Variants in DLGAP2 observed in about 807,000 individuals in gnomAD.
The protein encoded by DLGAP2 is DLG associated protein 2.
Under a neutral mutation model 100.3 loss-of-function variants are expected in DLGAP2, and 26 were observed. The ratio of observed to expected loss-of-function variants is 0.26; its 90% CI spans 0.19 to 0.36. The LOEUF (loss-of-function observed/expected upper bound fraction) is 0.36, where lower values mean the gene tolerates loss of function less well. Ranked by LOEUF, DLGAP2 falls within the 10% of genes least tolerant of loss-of-function variation. DLGAP2 has a pLI of 1.00. For missense variants in DLGAP2, 1,858 were observed against 1,453.2 expected (o/e 1.28, Z -4.53); for synonymous variants, 886 against 630.1 (o/e 1.41, Z -6.08).
rs552759936 is a variant in DLGAP2 at position 1,071,917 on chromosome 8, G to A, written c.73+163951G>A. ...CCTGGCCTGTGAGTTTAGGGAACTC[G>A]TGTCAGTCTGGTTAAGTGGGTGGTT... On this transcript the variant is annotated intron_variant, in intron 2 of 14. Coordinates refer to ENST00000637795, the MANE Select transcript of DLGAP2 (RefSeq NM_001346810.2). 2.0e-5 allele frequency among the ~76,000 whole-genome samples: 3 copies of A among 152,330 alleles called. No homozygotes were observed. In the South Asian group the frequency reaches 6.2e-4, roughly 32 times the overall value.
intron 3 of DLGAP2, among the ~76,000 whole-genome samples, chr8:1,334,443 C>T (rs1219930075): frequency 6.6e-6 from 1 of 152,202 alleles, no homozygotes; most frequent in African/African-American, 2.4e-5. Flanking sequence ...TAAATATGTG[C>T]TGTGGGAACG....
At chr8:1,475,550 G>A (rs919787882) in intron 3 of DLGAP2, among the ~76,000 whole-genome samples, 27 of 152,270 alleles carry the variant, frequency 1.8e-4, no homozygotes, top group African/African-American at 5.1e-4. Flanking sequence ...ATCAATGAGC[G>A]GCTGGGAGTA....
intron 10 of DLGAP2, among the ~76,000 whole-genome samples, chr8:1,675,475 C>T (rs1475022300): frequency 6.6e-6 from 1 of 152,226 alleles, no homozygotes; most frequent in Non-Finnish European, 1.5e-5. Flanking sequence ...TCGCTGTTAC[C>T]ATCAGTACCT....
chr8:1,539,817 C>T (rs182393263), intron 4 of DLGAP2, among the ~76,000 whole-genome samples: 30 of 152,348 alleles, frequency 2.0e-4, no homozygotes, highest in African/African-American at 7.0e-4. Flanking sequence ...TGGGACACAG[C>T]TGTGCCATGA....
At chr8:1,089,760 A>G (rs1472618156) in intron 2 of DLGAP2, among the ~76,000 whole-genome samples, 2 of 152,198 alleles carry the variant, frequency 1.3e-5, no homozygotes, top group Non-Finnish European at 2.9e-5. Flanking sequence ...CCTCTGGAGG[A>G]CATTAAAGGA....
At chr8:1,197,500 G>A (rs1031566454) in intron 2 of DLGAP2, among the ~76,000 whole-genome samples, 1 of 152,250 alleles carries the variant, frequency 6.6e-6, no homozygotes, top group Non-Finnish European at 1.5e-5. Context: ...TAAGCCACAT[G>A]GATGCGGAGC....
In DLGAP2 at chr8:1,626,721, CCTTTCTT is replaced by C. The variant is rs771176813; in HGVS notation, c.1443-13_1443-7del. The C allele has an allele frequency of 3.2e-6, 5 of 1,583,650 alleles. No homozygotes were observed. The Admixed American group carries it at 9.0e-5, about 28-fold the overall frequency. On this transcript the variant is annotated splice_polypyrimidine_tract_variant and intron_variant, in intron 6 of 14. Coordinates refer to ENST00000637795, the MANE Select transcript of DLGAP2 (RefSeq NM_001346810.2). ...CGGGTGCTCACAGAATGCCTTTTCT[CCTTTCTT>C]CTTTCCTGTAGCCAGACCTACCTGC...
intron 12 of DLGAP2, among the ~76,000 whole-genome samples, chr8:1,683,217 T>A (rs1933851903): frequency 6.6e-6 from 1 of 151,630 alleles, no homozygotes; most frequent in Non-Finnish European, 1.5e-5. Context: ...CTGGGAAGAT[T>A]CTCAGAAGGC....
chr8:1,652,996 C>T (rs1563282315), intron 8 of DLGAP2, among the ~76,000 whole-genome samples: 1 of 152,210 alleles, frequency 6.6e-6, no homozygotes, highest in African/African-American at 2.4e-5. Flanking sequence ...CCTGGTGACC[C>T]AGAGGACTGT....
intron 2 of DLGAP2, among the ~76,000 whole-genome samples, chr8:1,207,060 C>G (rs1798011938): frequency 6.6e-6 from 1 of 152,114 alleles, no homozygotes; most frequent in South Asian, 2.1e-4. Flanking sequence ...CTAGATGTGT[C>G]CTTCACAGTG....
chr8:1,683,834 C>CTA (rs35210879), intron 12 of DLGAP2, among the ~76,000 whole-genome samples: 3,669 of 55,574 alleles, frequency 0.066, 220 homozygotes, highest in Admixed American at 0.11. Flanking sequence ...CTTTGCTCCA[C>CTA]TATATATATA....
chr8:801,884 TC>T (rs1426842355), intron 1 of DLGAP2, among the ~76,000 whole-genome samples: 1 of 151,290 alleles, frequency 6.6e-6, no homozygotes, highest in African/African-American at 2.4e-5. Context: ...GACCCTGTTG[TC>T]TTCACTCAAG....
chr8:781,524 T>C (rs1821686907), intron 1 of DLGAP2, among the ~76,000 whole-genome samples: 1 of 152,194 alleles, frequency 6.6e-6, no homozygotes, highest in Admixed American at 6.5e-5. Flanking sequence ...TAATTAACTT[T>C]TAGTGTGACA....
chr8:808,072 C>T (rs549630350), intron 1 of DLGAP2, among the ~76,000 whole-genome samples: 4 of 152,298 alleles, frequency 2.6e-5, no homozygotes, highest in South Asian at 4.1e-4. Context: ...GATAATTTTA[C>T]GCTCATCTGT....
intron 1 of DLGAP2, among the ~76,000 whole-genome samples, chr8:794,374 C>T (rs931639254): frequency 1.3e-5 from 2 of 152,168 alleles, no homozygotes; most frequent in African/African-American, 4.8e-5. Context: ...AGGGTTCTCA[C>T]AGCCTTCAGA....
intron 6 of DLGAP2, among the ~76,000 whole-genome samples, chr8:1,610,998 CA>C (rs1374866736): frequency 8.0e-6 from 1 of 124,712 alleles, no homozygotes; most frequent in Non-Finnish European, 1.7e-5. Context: ...GAAACTATTC[CA>C]ATCAATAGAA....
intron 2 of DLGAP2, among the ~76,000 whole-genome samples, chr8:909,069 A>G (rs916676476): frequency 6.6e-6 from 1 of 152,192 alleles, no homozygotes; most frequent in Non-Finnish European, 1.5e-5. Context: ...GCATGGATGG[A>G]TGACATTACT....
intron 2 of DLGAP2, among the ~76,000 whole-genome samples, chr8:1,047,134 T>A (rs1418303805): frequency 6.6e-6 from 1 of 152,214 alleles, no homozygotes; most frequent in African/African-American, 2.4e-5. Flanking sequence ...TGGTTGGCAG[T>A]CACTGCCCAT....
chr8:1,465,552 A>C (rs1020426486), intron 3 of DLGAP2, among the ~76,000 whole-genome samples: 3 of 152,166 alleles, frequency 2.0e-5, no homozygotes, highest in African/African-American at 4.8e-5. Flanking sequence ...GGGAAGGGGC[A>C]TGGAGTTTCT....
Sources: gnomAD v4.1 joint callset for allele counts (sites outside exome capture counted in the v4.1 genomes callset) on GRCh38, gnomAD v4.1.1 for gene constraint, MANE v1.5 for transcripts, NCBI Gene and HGNC (gene_info 2026-07-23, HGNC 2026-07-21) for gene names.